The following TMEM39A variants were observed in gnomAD, a reference collection of about 807,000 sequenced individuals.
TMEM39A encodes the protein suppressor of SQST-1 aggregates in rpl-43 mutants.
A neutral mutation model predicts 51.9 loss-of-function variants in TMEM39A; 19 were observed. The ratio of observed to expected loss-of-function variants is 0.37; its 90% CI spans 0.26 to 0.54. TMEM39A has a LOEUF of 0.54. TMEM39A is among the 20% of genes least tolerant of loss of function. The probability of loss-of-function intolerance (pLI) is 0.88; values close to 1 mark genes in which losing one functional copy is unlikely to be tolerated. For missense variants in TMEM39A, 433 were observed against 590.5 expected (o/e 0.73, Z 2.76); for synonymous variants, 197 against 220.2 (o/e 0.89, Z 0.93).
intron 5 of TMEM39A, among the ~76,000 whole-genome samples, chr3:119,440,066 A>G (rs12485665): frequency 6.6e-6 from 1 of 152,052 alleles, no homozygotes; most frequent in Non-Finnish European, 1.5e-5. Flanking sequence ...CCGCACCCAG[A>G]CAGAGAAGAA....
intron 4 of TMEM39A, among the ~76,000 whole-genome samples, chr3:119,450,715 A>G (rs2081186569): frequency 6.7e-6 from 1 of 148,870 alleles, no homozygotes; most frequent in Admixed American, 6.8e-5. Context: ...CCAGCTACTC[A>G]GGAGGCTGAG....
chr3:119,452,548 A>AACT lies in TMEM39A; in HGVS notation c.337-21_337-19dup. 6.3e-7 allele frequency: 1 copy of AACT among 1,597,270 alleles called. No homozygotes were observed. Among genetic ancestry groups the AACT allele is most frequent in the South Asian group, 1.1e-5 (1 of 90,312 alleles). ...TGAAAATTCTACAACAGAAATAAAT[A>AACT]ACTACATCAGAAAGAAATATGATGT... is the stretch of plus-strand genomic sequence containing the variant. On this transcript the variant is annotated intron_variant, in intron 3 of 8. Coordinates refer to ENST00000319172, the MANE Select transcript of TMEM39A (RefSeq NM_018266.3).
chr3:119,449,037 A>G (rs1355534306), intron 4 of TMEM39A, among the ~76,000 whole-genome samples: 7 of 152,192 alleles, frequency 4.6e-5, no homozygotes, highest in Admixed American at 3.3e-4. Context: ...GTAGGCTGCT[A>G]TGGAAAGTAA....
At chr3:119,451,095 T>A (rs750574581) in intron 4 of TMEM39A, 4 of 342,468 alleles carry the variant, frequency 1.2e-5, no homozygotes, top group Non-Finnish European at 1.4e-5. Flanking sequence ...AGAAAGAACA[T>A]GCTTTCACAA....
intron 4 of TMEM39A, among the ~76,000 whole-genome samples, chr3:119,450,895 T>A (rs537895711): frequency 6.9e-6 from 1 of 145,972 alleles, no homozygotes; most frequent in South Asian, 2.2e-4. Context: ...AAAGCTGCTA[T>A]ACTACTTTTA....
At chr3:119,434,657 A>G in intron 8 of TMEM39A, 105 bp downstream of exon 8, 14 of 1,455,438 alleles carry the variant, frequency 9.6e-6, no homozygotes, top group Non-Finnish European at 1.3e-5. Flanking sequence ...ACCATGTAAT[A>G]ATTTCCTAGT....
At chr3:119,462,893 GA>G (rs34748121) in intron 1 of TMEM39A, among the ~76,000 whole-genome samples, 88 of 142,350 alleles carry the variant, frequency 6.2e-4, no homozygotes, top group Admixed American at 1.1e-3. Context: ...ATCCTCACTG[GA>G]AAAAAAAAAA....
intron 3 of TMEM39A, among the ~76,000 whole-genome samples, chr3:119,454,376 AT>A (rs2107684812): frequency 6.6e-6 from 1 of 152,116 alleles, no homozygotes; most frequent in Admixed American, 6.5e-5. Context: ...ATCCCCTCCT[AT>A]TTTTGGGACT....
rs1443180711 is a variant in TMEM39A at position 119,463,604 on chromosome 3, A to G, written c.-343T>C. The G allele has an allele frequency of 2.5e-6, 1 of 398,608 alleles. No individual in the cohort carries two copies. Among genetic ancestry groups the G allele is most frequent in the African/African-American group, 2.1e-5 (1 of 48,644 alleles). 24.7% of individuals were successfully genotyped at this position (398,608 alleles called of 1,614,324 possible). On this transcript the variant is annotated 5_prime_UTR_variant, in exon 1 of 9. Transcript: ENST00000319172. Reference sequence around the variant, plus strand: ...TCAGCACCCATCCCTAGCCTCCATTACCGCGGAGCTGAGCAGACGTGGCAG... The same window carrying G: ...TCAGCACCCATCCCTAGCCTCCATTGCCGCGGAGCTGAGCAGACGTGGCAG...
intron 5 of TMEM39A, among the ~76,000 whole-genome samples, chr3:119,439,579 C>CA (rs201923985): frequency 0.21 from 20,723 of 99,976 alleles, 1,873 homozygotes; most frequent in South Asian, 0.24. Context: ...AACTCCTTCT[C>CA]AAAAAAAAAA....
At chr3:119,432,480 T>A (rs2107656040) in intron 8 of TMEM39A, among the ~76,000 whole-genome samples, 1 of 152,234 alleles carries the variant, frequency 6.6e-6, no homozygotes, top group Admixed American at 6.5e-5. Context: ...AAACTACTTA[T>A]AAACATTTTT....
At chr3:119,449,793 A>C (rs76407191) in intron 4 of TMEM39A, among the ~76,000 whole-genome samples, 7,166 of 152,240 alleles carry the variant, frequency 0.047, 231 homozygotes, top group Non-Finnish European at 0.067. Flanking sequence ...AAAACAGCTA[A>C]ATTTATTTCT....
intron 5 of TMEM39A, among the ~76,000 whole-genome samples, chr3:119,444,128 G>A (rs1166257019): frequency 1.7e-5 from 2 of 121,024 alleles, no homozygotes; most frequent in Non-Finnish European, 3.4e-5. Context: ...TTTAAGGGGT[G>A]TGGAGAGCCT....
intron 7 of TMEM39A, chr3:119,436,032 A>G: frequency 1.2e-6 from 1 of 828,222 alleles, no homozygotes; most frequent in Non-Finnish European, 1.7e-6. Context: ...ACTAGGGAAA[A>G]ATTTCTAGAT....
Position 119,436,732 on chromosome 3 carries a change from T to C in TMEM39A, c.1112+59A>G, listed in dbSNP as rs577317328. 4.4e-4 allele frequency: 668 copies of C among 1,508,150 alleles called. 7 individuals are homozygous for C. The South Asian group carries it at 6.6e-3, about 15-fold the overall frequency. The allele number at this position is 1,508,150 out of a possible 1,614,324, so 93.4% of individuals were successfully genotyped here. A position where few individuals can be genotyped will look rare whatever the true frequency, so the allele number is the denominator to read the frequency against. ...GAACAAGAATGACATACAAAGCAAATAAACATGATCAGCAGCATGTAGAAA... is the reference window on the plus strand; with the variant it reads ...GAACAAGAATGACATACAAAGCAAACAAACATGATCAGCAGCATGTAGAAA... On this transcript the variant is annotated intron_variant, in intron 7 of 8. Transcript: ENST00000319172.
intron 2 of TMEM39A, among the ~76,000 whole-genome samples, chr3:119,459,662 A>G (rs942242715): frequency 1.3e-5 from 2 of 152,182 alleles, no homozygotes; most frequent in African/African-American, 4.8e-5. Context: ...ACAGCAGGAC[A>G]AGGAACTACA....
Position 119,438,043 on chromosome 3 carries a change from GAGA to G in TMEM39A, c.633_635del (p.Leu212del), listed in dbSNP as rs780208580. ...GCTGAACCACATAGTTGTAGTCTGTGAGAAGAAGATGTGCTCTACTATCTTGAT... is the reference window on the plus strand; with the variant it reads ...GCTGAACCACATAGTTGTAGTCTGTGAGAAGATGTGCTCTACTATCTTGAT... On this transcript the variant is annotated inframe_deletion, in exon 6 of 9. Transcript: ENST00000319172. 6.2e-5 allele frequency: 100 copies of G among 1,609,562 alleles called. No homozygotes were observed. Among genetic ancestry groups the G allele is most frequent in the Non-Finnish European group, 6.8e-5 (80 of 1,176,230 alleles).
At position 119,432,140 on chromosome 3, in the gene TMEM39A, G is replaced by C. The variant is rs758710970; in HGVS notation, c.1308C>G (p.Leu436=). The C allele has an allele frequency of 2.5e-6, 4 of 1,613,190 alleles. No individual in the cohort carries two copies. Among genetic ancestry groups the C allele is most frequent in the South Asian group, 2.2e-5 (2 of 91,052 alleles). ...ACTTCTCCGACCGCAGCAAGGAATA[G>C]AGCTGATAGAAGACGACACTGCCCT... The part of the protein sequence containing the change: ...LIEGSVVFYQ[L]YSLLRSEKWN... Residue 436 remains leucine, a synonymous_variant, in exon 9 of 9, where the codon CTC becomes CTG. Transcript: ENST00000319172.
At chr3:119,437,197 A>G (rs893398803) in intron 6 of TMEM39A, among the ~76,000 whole-genome samples, 1 of 152,210 alleles carries the variant, frequency 6.6e-6, no homozygotes, top group Non-Finnish European at 1.5e-5. Flanking sequence ...AGAGGCAATT[A>G]TATTTTAAGT....
Sources: allele counts gnomAD v4.1 joint callset (sites outside exome capture counted in the v4.1 genomes callset), GRCh38; gene constraint gnomAD v4.1.1; transcripts MANE v1.5; gene names NCBI Gene and HGNC (gene_info 2026-07-23, HGNC 2026-07-21).